COL4A5: variants seen among roughly 807,000 people sequenced by gnomAD.
COL4A5 encodes collagen alpha-5(IV) chain.
Under a neutral mutation model 130.2 loss-of-function variants are expected in COL4A5, and 26 were observed. That is an observed-to-expected ratio of 0.20 (90% confidence interval 0.15 to 0.28). COL4A5 has a LOEUF of 0.28. Ranked by LOEUF, COL4A5 falls within the 10% of genes least tolerant of loss-of-function variation. COL4A5 has a pLI of 1.00. For synonymous variants in COL4A5, 496 were observed against 439.6 expected (o/e 1.13, Z -1.60); for missense variants, 1,131 against 1,344.3 (o/e 0.84, Z 2.48).
chrX:108,528,924 T>C (rs1177288015), intron 1 of COL4A5, among the ~76,000 whole-genome samples: 1 of 112,051 alleles, frequency 8.9e-6, no homozygotes, highest in Non-Finnish European at 1.9e-5. Flanking sequence ...TTCCCAAGTC[T>C]AGTGAGAGAT....
chrX:108,686,185 C>T, intron 48 of COL4A5, 56 bp downstream of exon 48: 1 of 950,544 alleles, frequency 1.1e-6, no homozygotes, highest in East Asian at 3.2e-5. Context: ...TCTGAGAGAC[C>T]TCTGGACATA....
At chrX:108,449,948 C>T (rs138702085) in intron 1 of COL4A5, among the ~76,000 whole-genome samples, 3,366 of 111,683 alleles carry the variant, frequency 0.03, 118 homozygotes, top group African/African-American at 0.1. Context: ...TTACTTTTCT[C>T]ACTATGTTGA....
At chrX:108,619,416 C>T (rs1293925384) in intron 30 of COL4A5, among the ~76,000 whole-genome samples, 3 of 111,704 alleles carry the variant, frequency 2.7e-5, no homozygotes, top group Non-Finnish European at 3.8e-5. Context: ...AAGTGACTCA[C>T]GTAAGTCGCA....
At chrX:108,446,316 C>G (rs2064451596) in intron 1 of COL4A5, among the ~76,000 whole-genome samples, 1 of 111,882 alleles carries the variant, frequency 8.9e-6, no homozygotes, top group African/African-American at 3.2e-5. Flanking sequence ...TATACACACT[C>G]CAATTTATTT....
At chrX:108,487,288 G>A (rs2064953555) in intron 1 of COL4A5, among the ~76,000 whole-genome samples, 1 of 109,016 alleles carries the variant, frequency 9.2e-6, no homozygotes, top group Non-Finnish European at 1.9e-5. Context: ...TACTCAGGAG[G>A]CTGAGGCAAG....
chrX:108,596,872 TG>T, intron 22 of COL4A5, 125 bp from the exon 23 acceptor site: 2 of 627,468 alleles, frequency 3.2e-6, no homozygotes, highest in Non-Finnish European at 5.2e-6. Context: ...TGGGATTGAA[TG>T]GGGTTCTTAT....
At chrX:108,581,578 G>A (rs986089339) in intron 16 of COL4A5, among the ~76,000 whole-genome samples, 8 of 110,276 alleles carry the variant, frequency 7.3e-5, no homozygotes, top group Non-Finnish European at 1.5e-4. Context: ...CCCTTATAAC[G>A]ACTGATCTTT....
intron 1 of COL4A5, among the ~76,000 whole-genome samples, chrX:108,514,139 A>G (rs2065202314): frequency 8.9e-6 from 1 of 112,109 alleles, no homozygotes; most frequent in Non-Finnish European, 1.9e-5. Flanking sequence ...TACCTTTATA[A>G]TAAGTCTGGA....
chrX:108,466,471 T>C (rs1184913893), intron 1 of COL4A5, among the ~76,000 whole-genome samples: 1 of 112,248 alleles, frequency 8.9e-6, no homozygotes, highest in Non-Finnish European at 1.9e-5. Context: ...TAGTTTGTTA[T>C]GGAGTGGTTC....
chrX:108,695,337 G>A lies in COL4A5; in HGVS notation c.4892G>A (p.Arg1631His), dbSNP rs372369187. ...CCTGGTTCCTGCTTGGAAGAGTTTC[G>A]TTCAGCTCCCTTCATCGAATGTCAT... Reference protein sequence around the residue: ...ASPGSCLEEFRSAPFIECHGR... With the variant: ...ASPGSCLEEFHSAPFIECHGR... Residue 1631 changes from arginine (R) to histidine (H), a missense_variant, in exon 52 of 53, where the codon CGT (arginine) becomes CAT (histidine). Transcript: ENST00000328300. 1.5e-5 allele frequency: 18 copies of A among 1,209,460 alleles called. No homozygotes were observed. Among genetic ancestry groups the A allele is most frequent in the Non-Finnish European group, 1.7e-5 (15 of 895,046 alleles).
chrX:108,588,606 A>G (rs1381146000), intron 19 of COL4A5, among the ~76,000 whole-genome samples: 2 of 110,920 alleles, frequency 1.8e-5, no homozygotes, highest in Non-Finnish European at 3.8e-5. Flanking sequence ...GAAAAAAAAT[A>G]ATGGCTGAGA....
chrX:108,659,127 A>T (rs1203590985), intron 37 of COL4A5, among the ~76,000 whole-genome samples: 1 of 111,400 alleles, frequency 9.0e-6, no homozygotes, highest in Non-Finnish European at 1.9e-5. Context: ...GATATTTTCT[A>T]ATTTTCCTGT....
chrX:108,615,739 G>C (rs1446353989), intron 30 of COL4A5, among the ~76,000 whole-genome samples: 1 of 111,043 alleles, frequency 9.0e-6, no homozygotes, highest in Non-Finnish European at 1.9e-5. Context: ...TACAGTAAAG[G>C]CCACCTTGGG....
chrX:108,654,922 G>A (rs756982344), intron 36 of COL4A5, among the ~76,000 whole-genome samples: 18 of 112,246 alleles, frequency 1.6e-4, no homozygotes, highest in Non-Finnish European at 3.2e-4. Context: ...ATCCAAATTC[G>A]GATTTCATCA....
chrX:108,689,763 CAG>C, intron 49 of COL4A5: 2 of 753,991 alleles, frequency 2.7e-6, no homozygotes, highest in Non-Finnish European at 3.1e-6. Context: ...AGAAAGAAGA[CAG>C]AGAAGATGGA....
At chrX:108,557,937 A>T (rs765329851) in intron 2 of COL4A5, among the ~76,000 whole-genome samples, 1 of 108,255 alleles carries the variant, frequency 9.2e-6, no homozygotes, top group Non-Finnish European at 1.9e-5. Context: ...ATATATATAT[A>T]TTTTGTACTT....
chrX:108,558,713 C>G, intron 2 of COL4A5, among the ~76,000 whole-genome samples: 1 of 111,151 alleles, frequency 9.0e-6, no homozygotes, highest in East Asian at 2.8e-4. Flanking sequence ...TTACCCTTCC[C>G]TGCTCCATAC....
At chrX:108,518,550 T>A (rs1339136312) in intron 1 of COL4A5, among the ~76,000 whole-genome samples, 2 of 111,187 alleles carry the variant, frequency 1.8e-5, no homozygotes, top group Non-Finnish European at 3.8e-5. Context: ...TCTGGTAACT[T>A]TTTTTAGGCC....
At chrX:108,463,920 T>C (rs2064677997) in intron 1 of COL4A5, among the ~76,000 whole-genome samples, 1 of 111,882 alleles carries the variant, frequency 8.9e-6, no homozygotes, top group South Asian at 3.8e-4. Flanking sequence ...CCCCTCTTTT[T>C]ATTGCAGTAC....
Sources: gnomAD v4.1 joint callset for allele counts (sites outside exome capture counted in the v4.1 genomes callset) on GRCh38, gnomAD v4.1.1 for gene constraint, MANE v1.5 for transcripts, NCBI Gene and HGNC (gene_info 2026-07-23, HGNC 2026-07-21) for gene names.